The following CACNA2D1 variants were observed in gnomAD, a reference collection of about 807,000 sequenced individuals.
CACNA2D1 encodes voltage-dependent calcium channel subunit alpha-2/delta-1.
In CACNA2D1, 53 loss-of-function variants were observed where a neutral mutation model predicts 171.5. That is an observed-to-expected ratio of 0.31 (90% CI 0.25 to 0.39). The LOEUF (loss-of-function observed/expected upper bound fraction) is 0.39, where lower values mean the gene tolerates loss of function less well. Ranked by LOEUF, CACNA2D1 falls within the 10% of genes least tolerant of loss-of-function variation. The pLI is 1.00. For missense variants in CACNA2D1, 903 were observed against 1,299.8 expected (o/e 0.69, Z 4.69); for synonymous variants, 442 against 443.1 (o/e 1.00, Z 0.03).
At chr7:81,975,071 T>A (rs1173814708) in intron 24 of CACNA2D1, among the ~76,000 whole-genome samples, 1 of 151,782 alleles carries the variant, frequency 6.6e-6, no homozygotes, top group Non-Finnish European at 1.5e-5. Flanking sequence ...CAAACACAAC[T>A]GAGTGGACAT....
rs576114531 is a variant in CACNA2D1 at position 82,138,950 on chromosome 7, G to T, written c.355-2274C>A. On this transcript the variant is annotated intron_variant, in intron 4 of 38. Coordinates refer to ENST00000356860, the MANE Select transcript of CACNA2D1 (RefSeq NM_000722.4). ...ACTGAATAAGTTCATCTTCATTTTA[G>T]ACTTTATTTTCTGCCATCTGCTTGC... Among the ~76,000 whole-genome samples the T allele has an allele frequency of 9.2e-5, 14 of 152,172 alleles. No homozygotes were observed. In the East Asian group the frequency reaches 2.3e-3, roughly 25 times the overall value.
chr7:82,431,375 C>G (rs1036634185), intron 1 of CACNA2D1, among the ~76,000 whole-genome samples: 1 of 152,160 alleles, frequency 6.6e-6, no homozygotes, highest in Non-Finnish European at 1.5e-5. Flanking sequence ...AAGTTCCCCA[C>G]GCATTCTTTC....
At chr7:81,996,814 G>C (rs1798092997) in intron 19 of CACNA2D1, among the ~76,000 whole-genome samples, 2 of 151,814 alleles carry the variant, frequency 1.3e-5, no homozygotes, top group Admixed American at 1.3e-4. Context: ...TATTTCTTAT[G>C]TGTTTGGGTG....
Position 82,099,419 on chromosome 7 carries a change from CTTCTTTTTTTTTTTTTTTTTTTTTTTT to C in CACNA2D1, c.527-14546_527-14520del, listed in dbSNP as rs1164839392. 1.8e-4 allele frequency among the ~76,000 whole-genome samples: 9 copies of C among 50,580 alleles called. 1 individual carries two copies. The highest frequency in any genetic ancestry group is 0.017 in the Middle Eastern group (1 of 60). 33.2% of individuals were successfully genotyped at this position (50,580 alleles called of 152,430 possible). On this transcript the variant is annotated intron_variant, in intron 6 of 38. Transcript: ENST00000356860. Reference sequence around the variant, plus strand: ...CATACTCTAAAACAGGTAGCAATACCTTCTTTTTTTTTTTTTTTTTTTTTTTTTTTTTTTTTTTTTTTTTTTTTGAGA... The same window carrying C: ...CATACTCTAAAACAGGTAGCAATACCTTTTTTTTTTTTTTTTTTTTTGAGA...
chr7:82,306,617 C>T (rs1366466505), intron 3 of CACNA2D1, among the ~76,000 whole-genome samples: 1 of 152,034 alleles, frequency 6.6e-6, no homozygotes, highest in Non-Finnish European at 1.5e-5. Flanking sequence ...TAACCTGTGG[C>T]AAAAAGAGAC....
intron 24 of CACNA2D1, among the ~76,000 whole-genome samples, chr7:81,975,276 A>T (rs1439568467): frequency 6.6e-6 from 1 of 152,178 alleles, no homozygotes; most frequent in African/African-American, 2.4e-5. Context: ...AGACAATAAA[A>T]AAGCCCAGAA....
chr7:82,162,494 G>C (rs1378063239), intron 4 of CACNA2D1, among the ~76,000 whole-genome samples: 1 of 152,012 alleles, frequency 6.6e-6, no homozygotes, highest in South Asian at 2.1e-4. Context: ...TTGCACAGCA[G>C]GGGAGAGCTG....
rs1319530763 is a variant in CACNA2D1, at chr7:81,967,576, A to T, written c.2463+20T>A. ...TGAAAACATTAAACATAGCATAAGAATTTTTTAAAAATATCTTACCGGATC... is the reference window on the plus strand; with the variant it reads ...TGAAAACATTAAACATAGCATAAGATTTTTTTAAAAATATCTTACCGGATC... On this transcript the variant is annotated intron_variant, in intron 30 of 38. Coordinates refer to ENST00000356860, the MANE Select transcript of CACNA2D1 (RefSeq NM_000722.4). 2.2e-6 allele frequency: 3 copies of T among 1,346,846 alleles called. No individual in the cohort carries two copies. The highest frequency in any genetic ancestry group is 3.2e-6 in the Non-Finnish European group (3 of 949,196). 83.4% of individuals were successfully genotyped at this position (1,346,846 alleles called of 1,614,324 possible). A position where few individuals can be genotyped will look rare whatever the true frequency, so the allele number is the denominator to read the frequency against.
intron 12 of CACNA2D1, among the ~76,000 whole-genome samples, chr7:82,016,613 C>A (rs1225867554): frequency 1.2e-5 from 1 of 81,010 alleles, no homozygotes; most frequent in Middle Eastern, 7.0e-3. Flanking sequence ...GCCGCCCGCC[C>A]CCCCCCCCCA....
intron 38 of CACNA2D1, among the ~76,000 whole-genome samples, chr7:81,951,991 T>TTTTTTTTTTTTTTTTTTTTTA (rs1386764468): frequency 6.8e-6 from 1 of 146,468 alleles, no homozygotes; most frequent in Non-Finnish European, 1.5e-5. Context: ...TTTTTTTTTT[T>TTTTTTTTTTTTTTTTTTTTTA]AACCACATCC....
intron 3 of CACNA2D1, among the ~76,000 whole-genome samples, chr7:82,302,702 C>A (rs1813184739): frequency 1.3e-5 from 2 of 152,160 alleles, no homozygotes; most frequent in Non-Finnish European, 2.9e-5. Flanking sequence ...CAGGCGTGAG[C>A]CACTGTGCCC....
intron 10 of CACNA2D1, among the ~76,000 whole-genome samples, chr7:82,044,104 C>T (rs73705450): frequency 0.13 from 19,887 of 152,066 alleles, 1,779 homozygotes; most frequent in African/African-American, 0.26. Context: ...AGACTGGTTT[C>T]GAATTCCTGG....
At chr7:82,053,773 A>G (rs1316925318) in intron 10 of CACNA2D1, among the ~76,000 whole-genome samples, 1 of 152,154 alleles carries the variant, frequency 6.6e-6, no homozygotes, top group African/African-American at 2.4e-5. Flanking sequence ...ATATTAATGG[A>G]GGTATTTTAA....
At chr7:82,031,075 CA>C (rs2131136120) in intron 12 of CACNA2D1, among the ~76,000 whole-genome samples, 1 of 151,878 alleles carries the variant, frequency 6.6e-6, no homozygotes, top group African/African-American at 2.4e-5. Context: ...CTCTGGGCTG[CA>C]TGCCTAAAGT....
At chr7:82,359,658 T>C (rs1820861394) in intron 1 of CACNA2D1, among the ~76,000 whole-genome samples, 1 of 124,924 alleles carries the variant, frequency 8.0e-6, no homozygotes, top group Admixed American at 8.8e-5. Context: ...GTCCTCAAAC[T>C]ATCATAATTT....
intron 20 of CACNA2D1, among the ~76,000 whole-genome samples, chr7:81,992,990 T>G (rs1018381638): frequency 6.6e-6 from 1 of 152,300 alleles, no homozygotes; most frequent in South Asian, 2.1e-4. Context: ...CCAGATTCAC[T>G]TGGGCATAAA....
intron 12 of CACNA2D1, among the ~76,000 whole-genome samples, chr7:82,015,682 G>T (rs1800360902): frequency 6.6e-6 from 1 of 152,130 alleles, no homozygotes; most frequent in African/African-American, 2.4e-5. Context: ...TCAAATTCCA[G>T]TTTGAACTAT....
chr7:82,255,135 G>T (rs1385568562), intron 3 of CACNA2D1, among the ~76,000 whole-genome samples: 1 of 152,072 alleles, frequency 6.6e-6, no homozygotes, highest in African/African-American at 2.4e-5. Flanking sequence ...GGATTTCTCT[G>T]CTTGAAAAAC....
intron 3 of CACNA2D1, among the ~76,000 whole-genome samples, chr7:82,299,430 G>A (rs1027401967): frequency 1.3e-5 from 2 of 152,054 alleles, no homozygotes; most frequent in African/African-American, 2.4e-5. Flanking sequence ...GGAGGCAGGA[G>A]TGGGCAGATC....
Sources: gnomAD v4.1 joint callset for allele counts (sites outside exome capture counted in the v4.1 genomes callset) on GRCh38, gnomAD v4.1.1 for gene constraint, MANE v1.5 for transcripts, NCBI Gene and HGNC (gene_info 2026-07-23, HGNC 2026-07-21) for gene names.